CEP164: variants seen among roughly 807,000 people sequenced by gnomAD.
CEP164 encodes centrosomal protein of 164 kDa.
Under a neutral mutation model 182.7 loss-of-function variants are expected in CEP164, and 162 were observed. The ratio of observed to expected loss-of-function variants is 0.89; its 90% confidence interval spans 0.78 to 1.01. The LOEUF (loss-of-function observed/expected upper bound fraction) is 1.01. Among genes scored for constraint, CEP164 ranks in the 50% least tolerant of loss-of-function variants. The pLI, the probability that CEP164 is intolerant of heterozygous loss-of-function variation, is 0.00. For missense variants in CEP164, 1,735 were observed against 1,790.4 expected, an observed-to-expected ratio of 0.97 and a Z score of 0.56; for synonymous variants, 661 against 690.0, an observed-to-expected ratio of 0.96 and a Z score of 0.66.
At chr11:117,410,113 G>A in intron 30 of CEP164, 148 bp downstream of exon 30, 2 of 783,172 alleles carry the variant, frequency 2.6e-6, no homozygotes, top group Non-Finnish European at 4.4e-6. Flanking sequence ...CGTTACCATA[G>A]TCCATTGGTC....
Position 117,361,964 on chromosome 11 carries a change from T to A in CEP164, c.523T>A (p.Ser175Thr). 1 of 1,589,642 alleles carries A rather than the reference T, an allele frequency of 6.3e-7. No individual in the cohort carries two copies. Among genetic ancestry groups the A allele is most frequent in the Admixed American group, 1.9e-5 (1 of 53,256 alleles). ...CGTGAGCCTGGGGAGCTCAGTGGAG[T>A]CTGGACGTCAGCTTGGAGAACTCAT... ...QSVSLGSSVE[S>T]GRQLGELMLP... Residue 175 changes from serine to threonine, a missense_variant, in exon 6 of 33, where the codon TCT (serine) becomes ACT (threonine). By Grantham distance (58) the Ser-to-Thr change is moderately conservative. Transcript: ENST00000278935.
chr11:117,408,999 C>T lies in CEP164; in HGVS notation c.3719C>T (p.Pro1240Leu). Residue 1240 changes from proline (P) to leucine (L), a missense_variant, in exon 29 of 33, where the codon CCT becomes CTT. By Grantham distance (98) the Pro-to-Leu change is moderately conservative (BLOSUM62 -3). Transcript: ENST00000278935. Reference protein sequence around the residue: ...SSESSESFSPPHREWWRQQRI... With the variant: ...SSESSESFSPLHREWWRQQRI... ...GAAAGTTCTGAATCTTTTTCCCCGC[C>T]TCACCGTGAGTGGTGGCGGCAGCAG... The T allele has an allele frequency of 6.2e-7, 1 of 1,614,092 alleles. No homozygotes were observed. The highest frequency in any genetic ancestry group is 8.5e-7 in the Non-Finnish European group (1 of 1,179,976).
chr11:117,323,866 G>T, upstream of CEP164: 1 of 414,862 alleles, frequency 2.4e-6, no homozygotes, highest in Non-Finnish European at 4.9e-6. Context: ...ATTTTTTCAC[G>T]TACCTGTTGG....
At position 117,411,692 on chromosome 11, in the gene CEP164, G is replaced by A; in HGVS notation, c.4164-103G>A. Reference sequence around the variant, plus strand: ...CCTCGGAGAAGCTGCTCTGGTAGCTGAGAGAAAGAGGGAGGAGGTGACAGA... The same window carrying A: ...CCTCGGAGAAGCTGCTCTGGTAGCTAAGAGAAAGAGGGAGGAGGTGACAGA... On this transcript the variant is annotated intron_variant, in intron 31 of 32. Coordinates refer to ENST00000278935, the MANE Select transcript of CEP164 (RefSeq NM_014956.5). This position sits in a 1 kb window ranked among gnomAD's most constrained non-coding sequence, Gnocchi z 4.4. 1 of 1,501,944 alleles carries A rather than the reference G, an allele frequency of 6.7e-7. No individual in the cohort carries two copies. Among genetic ancestry groups the A allele is most frequent in the Non-Finnish European group, 9.1e-7 (1 of 1,103,764 alleles). 93.0% of individuals were successfully genotyped at this position (1,501,944 alleles called of 1,614,324 possible). A position where few individuals can be genotyped will look rare whatever the true frequency, so the allele number is the denominator to read the frequency against.
chr11:117,381,105 T>G lies in CEP164; in HGVS notation c.1409+400T>G, dbSNP rs202169835. Reference sequence around the variant, plus strand: ...AGGAGTCGCATTGGAGGGTTGGTACTGCAGCTCAAGAGTTCTGAGCCAGGG... The same window carrying G: ...AGGAGTCGCATTGGAGGGTTGGTACGGCAGCTCAAGAGTTCTGAGCCAGGG... On this transcript the variant is annotated intron_variant, in intron 12 of 32. Transcript: ENST00000278935. Among the ~76,000 whole-genome samples, 13 of 152,246 alleles carry G rather than the reference T, an allele frequency of 8.5e-5. No homozygotes were observed. In the East Asian group the frequency reaches 2.5e-3, roughly 29 times the overall value.
chr11:117,392,621 G>A lies in CEP164; in HGVS notation c.2487G>A (p.Glu829=). The A allele has an allele frequency of 1.2e-6, 2 of 1,613,924 alleles. No individual in the cohort carries two copies. The highest frequency in any genetic ancestry group is 1.7e-6 in the Non-Finnish European group (2 of 1,179,964). ...AGTCTTATCACGTGGCTGGGTATGA[G>A]CACGAGGTGAGTGCTGCTCTGTCTT... ...HQKSYHVAGY[E]HELSSLLREK... is the part of the protein sequence containing the mutation. Residue 829 remains glutamate (E), a synonymous_variant, in exon 19 of 33, where the codon GAG becomes GAA. Transcript: ENST00000278935.
At chr11:117,364,561 A>G (rs561293226) in intron 8 of CEP164, among the ~76,000 whole-genome samples, 91 of 142,998 alleles carry the variant, frequency 6.4e-4, no homozygotes, top group African/African-American at 2.1e-3. Context: ...GCCATTGGAC[A>G]GGGCTTTTTT....
intron 9 of CEP164, 102 bp downstream of exon 9, chr11:117,371,568 G>T (rs2042194247): frequency 7.0e-7 from 1 of 1,422,316 alleles, no homozygotes; most frequent in East Asian, 2.3e-5. Context: ...ACTGAGTCAG[G>T]AGCTTCATTT....
At position 117,401,137 on chromosome 11, in the gene CEP164, T is replaced by C. The variant is rs183812789; in HGVS notation, c.3501+3824T>C. Among the ~76,000 whole-genome samples, 477 of 152,308 alleles carry C rather than the reference T, an allele frequency of 3.1e-3. 1 individual carries two copies. The highest frequency in any genetic ancestry group is 0.011 in the African/African-American group (451 of 41,572). Reference sequence around the variant, plus strand: ...TGGCTGTGGGTTTGTCATAAATAGCTCTTATTATTTTGAGATACGTTCCCT... The same window carrying C: ...TGGCTGTGGGTTTGTCATAAATAGCCCTTATTATTTTGAGATACGTTCCCT... On this transcript the variant is annotated intron_variant, in intron 27 of 32. Transcript: ENST00000278935.
In CEP164 at chr11:117,363,485, G is replaced by T; in HGVS notation, c.744G>T (p.Leu248=). Residue 248 remains leucine (L), a synonymous_variant, in exon 8 of 33, where the codon CTG becomes CTT. Coordinates refer to ENST00000278935, the MANE Select transcript of CEP164 (RefSeq NM_014956.5). ...LRNLHLDIGA[L]GGDFEYEESL... ...ACCTACACCTGGACATTGGGGCACT[G>T]GGGGGTGACTTTGAGTATGAGGTAA... The T allele has an allele frequency of 6.2e-7, 1 of 1,612,416 alleles. No individual in the cohort carries two copies. The highest frequency in any genetic ancestry group is 8.5e-7 in the Non-Finnish European group (1 of 1,178,558).
chr11:117,367,688 C>T (rs1248312709), intron 8 of CEP164, among the ~76,000 whole-genome samples: 1 of 152,118 alleles, frequency 6.6e-6, no homozygotes, highest in East Asian at 1.9e-4. Flanking sequence ...TCAGGGGTAC[C>T]TGTGCAGGTT....
At position 117,331,161 on chromosome 11, in the gene CEP164, C is replaced by T. The variant is rs2036147108; in HGVS notation, c.-98+3257C>T. Among the ~76,000 whole-genome samples the T allele has an allele frequency of 2.0e-5, 3 of 152,184 alleles. No homozygotes were observed. The South Asian group carries it at 6.2e-4, about 31-fold the overall frequency. ...AGTGTGCAGATGTGCAAAACTCTAG[C>T]TATGCTGACAAAGTACAGGGCAAGG... is the stretch of plus-strand genomic sequence containing the variant. On this transcript the variant is annotated intron_variant, in intron 1 of 32. Transcript: ENST00000278935.
chr11:117,408,745 C>T, intron 28 of CEP164, 145 bp from the exon 29 acceptor site: 1 of 1,034,230 alleles, frequency 9.7e-7, no homozygotes, highest in East Asian at 2.6e-5. Flanking sequence ...GGCCATATTT[C>T]ATGGATTTGC....
chr11:117,338,742 T>C, intron 3 of CEP164, 74 bp downstream of exon 3: 1 of 1,218,040 alleles, frequency 8.2e-7, no homozygotes, highest in Non-Finnish European at 1.2e-6. Context: ...GGTTTATTTT[T>C]ATTCTTTCAG....
chr11:117,402,310 T>A (rs1392022031), intron 27 of CEP164, among the ~76,000 whole-genome samples: 3 of 151,754 alleles, frequency 2.0e-5, no homozygotes, highest in Non-Finnish European at 2.9e-5. Context: ...AAACTCTGCC[T>A]CCCAGATTCA....
chr11:117,381,797 C>G lies in CEP164; in HGVS notation c.1506C>G (p.Pro502=). The G allele has an allele frequency of 1.3e-6, 2 of 1,572,424 alleles. No homozygotes were observed. The highest frequency in any genetic ancestry group is 1.7e-6 in the Non-Finnish European group (2 of 1,158,292). The change falls in exon 13 of 33, where the codon CCC becomes CCG. Residue 502 remains proline, a synonymous_variant. Transcript: ENST00000278935. The part of the protein sequence containing the change: ...EEPPQGPEGQ[P]EWKEAEELGE... ...CTCCCCAGGGCCCCGAGGGGCAGCC[C>G]GAGTGGAAGGAGGCAGAGGAGCTTG... is the stretch of plus-strand genomic sequence containing the variant.
chr11:117,392,005 C>T (rs1474005804), intron 17 of CEP164, among the ~76,000 whole-genome samples: 2 of 152,216 alleles, frequency 1.3e-5, no homozygotes, highest in African/African-American at 4.8e-5. Flanking sequence ...CCGAAACTTA[C>T]TGAAATGCCC....
intron 11 of CEP164, 37 bp downstream of exon 11, chr11:117,375,828 C>T (rs1489934448): frequency 6.3e-7 from 1 of 1,591,928 alleles, no homozygotes; most frequent in Non-Finnish European, 8.6e-7. Context: ...GCTGGGGCCT[C>T]ATTTTCCCTC....
chr11:117,392,433 A>T (rs2044783076), intron 18 of CEP164, 63 bp from the exon 19 acceptor site: 1 of 1,582,672 alleles, frequency 6.3e-7, no homozygotes, highest in Admixed American at 1.7e-5. Flanking sequence ...ACACATCCCC[A>T]CACAGCAGCT....
Sources: allele counts gnomAD v4.1 joint callset (sites outside exome capture counted in the v4.1 genomes callset), GRCh38; gene constraint gnomAD v4.1.1; non-coding constraint Gnocchi (gnomAD v3.1); transcripts MANE v1.5; gene names NCBI Gene and HGNC (gene_info 2026-07-23, HGNC 2026-07-21).